Variants in PCDHA8 observed in about 807,000 individuals in gnomAD.
The protein encoded by PCDHA8 is protocadherin alpha 8.
A neutral mutation model predicts 61.8 loss-of-function variants in PCDHA8; 53 were observed. The observed-to-expected ratio is 0.86, with a 90% CI of 0.69 to 1.08. The LOEUF is 1.08. Among genes scored for constraint, PCDHA8 ranks in the 50% least tolerant of loss-of-function variants. The pLI, the probability that PCDHA8 is intolerant of heterozygous loss-of-function variation, is 0.00. For missense variants in PCDHA8, 1,293 were observed against 1,245.0 expected (o/e 1.04, Z -0.58); for synonymous variants, 618 against 556.6 (o/e 1.11, Z -1.55).
Position 140,850,168 on chromosome 5 carries a change from A to G in PCDHA8, c.2394+6453A>G. 6.3e-7 allele frequency: 1 copy of G among 1,594,824 alleles called. No homozygotes were observed. The highest frequency in any genetic ancestry group is 8.6e-7 in the Non-Finnish European group (1 of 1,167,786). ...ACGCTGCAGGTGTTCGTGCTGGACGAGAACGACAATGCGCCGGCGCTGCTG... is the reference window on the plus strand; with the variant it reads ...ACGCTGCAGGTGTTCGTGCTGGACGGGAACGACAATGCGCCGGCGCTGCTG... On this transcript the variant is annotated intron_variant, in intron 1 of 3. Coordinates refer to ENST00000531613, the MANE Select transcript of PCDHA8 (RefSeq NM_018911.3).
At chr5:140,879,047 A>G (rs931436432) in intron 1 of PCDHA8, among the ~76,000 whole-genome samples, 1 of 152,238 alleles carries the variant, frequency 6.6e-6, no homozygotes, top group African/African-American at 2.4e-5. Flanking sequence ...AAAGATAGAC[A>G]ACATTTTACC....
chr5:140,972,660 A>ATTTT (rs11350929), intron 1 of PCDHA8, among the ~76,000 whole-genome samples: 3 of 117,268 alleles, frequency 2.6e-5, no homozygotes, highest in Admixed American at 9.2e-5. Context: ...AAGAAACCAA[A>ATTTT]TTTTTTTTTT....
chr5:140,852,375 T>A lies in PCDHA8; in HGVS notation c.2394+8660T>A, dbSNP rs2042313801. ...TCACTGCAACGTCTGCCTCCTGGGTTCAAGCAATTCTCCTGCCTCAGCCTC... is the reference window on the plus strand; with the variant it reads ...TCACTGCAACGTCTGCCTCCTGGGTACAAGCAATTCTCCTGCCTCAGCCTC... On this transcript the variant is annotated intron_variant, in intron 1 of 3. Transcript: ENST00000531613. 1.0e-5 allele frequency: 2 copies of A among 192,516 alleles called. 1 individual carries two copies. The highest frequency in any genetic ancestry group is 1.3e-4 in the Admixed American group (2 of 14,898). The allele number at this position is 192,516 out of a possible 1,614,324, so 11.9% of individuals were successfully genotyped here. A position where few individuals can be genotyped will look rare whatever the true frequency, so the allele number is the denominator to read the frequency against.
rs1279359347 is a variant in PCDHA8 at position 141,012,130 on chromosome 5, C to T, written c.*2193C>T. ...ACTGAAGCCCATGTATCTGACCTTA[C>T]GTGCCTTTTGAACTAGGAGAATCGG... On this transcript the variant is annotated 3_prime_UTR_variant, in exon 4 of 4. Coordinates refer to ENST00000531613, the MANE Select transcript of PCDHA8 (RefSeq NM_018911.3). The T allele has an allele frequency of 2.0e-5, 3 of 153,796 alleles. No individual in the cohort carries two copies. The highest frequency in any genetic ancestry group is 1.9e-4 in the East Asian group (1 of 5,172). 9.5% of individuals were successfully genotyped at this position (153,796 alleles called of 1,614,324 possible). A position where few individuals can be genotyped will look rare whatever the true frequency, so the allele number is the denominator to read the frequency against.
intron 1 of PCDHA8, chr5:140,862,228 T>C (rs1247109904): frequency 9.6e-6 from 2 of 209,024 alleles, no homozygotes; most frequent in Non-Finnish European, 1.9e-5. Flanking sequence ...ATAGAAGTCT[T>C]GGACATCAAT....
At chr5:140,872,812 C>G (rs1233699706) in intron 1 of PCDHA8, among the ~76,000 whole-genome samples, 2 of 152,144 alleles carry the variant, frequency 1.3e-5, no homozygotes, top group African/African-American at 4.8e-5. Context: ...ATAAGTTTTT[C>G]AGATTCATCT....
chr5:140,925,668 A>G (rs1215540778), intron 1 of PCDHA8, among the ~76,000 whole-genome samples: 1 of 149,482 alleles, frequency 6.7e-6, no homozygotes, highest in Admixed American at 6.7e-5. Context: ...TAATAATAAT[A>G]ATAATAATAA....
rs1031755500 is a variant in PCDHA8 at position 140,856,096 on chromosome 5, G to A, written c.2394+12381G>A. 31 of 1,597,342 alleles carry A rather than the reference G, an allele frequency of 1.9e-5. 3 individuals are homozygous for A. The Admixed American group carries it at 5.2e-4, about 27-fold the overall frequency. On this transcript the variant is annotated intron_variant, in intron 1 of 3. Transcript: ENST00000531613. ...TGGGGGTCCAGTGTCTGCTGCTCTCGCTTCTTCTCCTCGCAGCCTGGGAGG... is the reference window on the plus strand; with the variant it reads ...TGGGGGTCCAGTGTCTGCTGCTCTCACTTCTTCTCCTCGCAGCCTGGGAGG...
intron 1 of PCDHA8, among the ~76,000 whole-genome samples, chr5:140,890,477 C>G (rs1255992157): frequency 6.6e-6 from 1 of 151,926 alleles, no homozygotes; most frequent in African/African-American, 2.4e-5. Context: ...ATTTTTTGTG[C>G]GTTATTTTTG....
chr5:140,918,549 T>C (rs1313720970), intron 1 of PCDHA8, among the ~76,000 whole-genome samples: 3 of 152,222 alleles, frequency 2.0e-5, no homozygotes, highest in Non-Finnish European at 2.9e-5. Flanking sequence ...CCATGTGCAA[T>C]TGAGAAGAAT....
chr5:140,877,707 G>A, intron 1 of PCDHA8: 2 of 1,614,062 alleles, frequency 1.2e-6, no homozygotes, highest in Non-Finnish European at 1.7e-6. Flanking sequence ...CCAGCGCCGT[G>A]GGGAGTTGGT....
rs114635096 is a variant in PCDHA8 at position 140,845,857 on chromosome 5, A to G, written c.2394+2142A>G. Among the ~76,000 whole-genome samples the G allele has an allele frequency of 6.1e-4, 91 of 149,958 alleles. 1 individual carries two copies. The highest frequency in any genetic ancestry group is 2.1e-3 in the African/African-American group (88 of 41,030). Reference sequence around the variant, plus strand: ...ATTCTTAAGAGAAAAGAAGTTAGTGATTGCAGAAAGGCAACCTAAAATGTC... The same window carrying G: ...ATTCTTAAGAGAAAAGAAGTTAGTGGTTGCAGAAAGGCAACCTAAAATGTC... On this transcript the variant is annotated intron_variant, in intron 1 of 3. Coordinates refer to ENST00000531613, the MANE Select transcript of PCDHA8 (RefSeq NM_018911.3).
At chr5:140,856,001 C>T (rs782376274) in intron 1 of PCDHA8, 7 of 1,515,190 alleles carry the variant, frequency 4.6e-6, no homozygotes, top group African/African-American at 1.4e-5. Context: ...ATCGTATGTG[C>T]GTTCTAGACC....
At chr5:140,980,553 C>G (rs1554241953) in intron 2 of PCDHA8, among the ~76,000 whole-genome samples, 1 of 152,062 alleles carries the variant, frequency 6.6e-6, no homozygotes, top group Admixed American at 6.6e-5. Context: ...TCGCTTGAAC[C>G]CGGGAGGCGG....
Position 140,848,429 on chromosome 5 carries a change from G to A in PCDHA8, c.2394+4714G>A. Reference sequence around the variant, plus strand: ...GCGAACACAGCAGAATGGGACTGACGAAATCAGATGATTTCTTCTAATTTG... The same window carrying A: ...GCGAACACAGCAGAATGGGACTGACAAAATCAGATGATTTCTTCTAATTTG... On this transcript the variant is annotated intron_variant, in intron 1 of 3. Transcript: ENST00000531613. 4.1e-6 allele frequency: 6 copies of A among 1,456,724 alleles called. 1 individual carries two copies. Among genetic ancestry groups the A allele is most frequent in the South Asian group, 1.3e-5 (1 of 77,796 alleles). The allele number at this position is 1,456,724 out of a possible 1,614,324, so 90.2% of individuals were successfully genotyped here.
chr5:140,929,381 G>GT (rs1554207059), intron 1 of PCDHA8: 2 of 1,510,858 alleles, frequency 1.3e-6, no homozygotes, highest in African/African-American at 1.4e-5. Flanking sequence ...TGCTAGCTGT[G>GT]TTTTGAAATA....
chr5:140,969,921 G>A (rs1417032241), intron 1 of PCDHA8, among the ~76,000 whole-genome samples: 2 of 152,198 alleles, frequency 1.3e-5, no homozygotes, highest in African/African-American at 2.4e-5. Flanking sequence ...TAAAGCTGTA[G>A]TATTTAGACA....
chr5:140,956,194 A>G (rs1370463281), intron 1 of PCDHA8, among the ~76,000 whole-genome samples: 1 of 152,060 alleles, frequency 6.6e-6, no homozygotes, highest in Non-Finnish European at 1.5e-5. Flanking sequence ...GCTGAATAGG[A>G]GTGGTGAAAG....
At chr5:140,865,235 C>A (rs982582356) in intron 1 of PCDHA8, 2 of 152,098 alleles carry the variant, frequency 1.3e-5, no homozygotes, top group African/African-American at 4.8e-5. Flanking sequence ...CCAGAGAACA[C>A]GTATTTATAG....
Sources: gnomAD v4.1 joint callset for allele counts (sites outside exome capture counted in the v4.1 genomes callset) on GRCh38, gnomAD v4.1.1 for gene constraint, MANE v1.5 for transcripts, NCBI Gene and HGNC (gene_info 2026-07-23, HGNC 2026-07-21) for gene names.